Variants in PCDH15 observed in about 807,000 individuals in gnomAD.
The protein encoded by PCDH15 is protocadherin related 15.
A neutral mutation model predicts 178.5 loss-of-function variants in PCDH15; 129 were observed. The ratio of observed to expected loss-of-function variants is 0.72; its 90% CI spans 0.63 to 0.84. The LOEUF (loss-of-function observed/expected upper bound fraction) is 0.84, where lower values mean the gene tolerates loss of function less well. PCDH15 is among the 40% of genes least tolerant of loss of function. The pLI, the probability that PCDH15 is intolerant of heterozygous loss-of-function variation, is 0.00. For missense variants in PCDH15, 2,230 were observed against 2,099.9 expected, an observed-to-expected ratio of 1.06 and a Z score of -1.21; for synonymous variants, 800 against 732.0, an observed-to-expected ratio of 1.09 and a Z score of -1.50.
At chr10:54,466,497 T>C (rs1265220538) in intron 3 of PCDH15, among the ~76,000 whole-genome samples, 2 of 151,894 alleles carry the variant, frequency 1.3e-5, no homozygotes, top group Admixed American at 6.6e-5. Flanking sequence ...AATACACAGA[T>C]TTATTTTTGG....
chr10:55,478,535 A>G (rs1387456482), intron 2 of PCDH15, among the ~76,000 whole-genome samples: 1 of 151,670 alleles, frequency 6.6e-6, no homozygotes, highest in Non-Finnish European at 1.5e-5. Context: ...ATAAACATCT[A>G]CATGAAAGAA....
chr10:55,364,255 A>G (rs1845299274), intron 2 of PCDH15, among the ~76,000 whole-genome samples: 1 of 152,116 alleles, frequency 6.6e-6, no homozygotes, highest in Non-Finnish European at 1.5e-5. Context: ...TCTTTCCTTT[A>G]TAAATTACCC....
chr10:54,880,239 A>G (rs973312241), intron 3 of PCDH15, among the ~76,000 whole-genome samples: 6 of 152,184 alleles, frequency 3.9e-5, no homozygotes, highest in African/African-American at 1.2e-4. Context: ...CTTGCTAATC[A>G]AAACTCCTAT....
intron 2 of PCDH15, among the ~76,000 whole-genome samples, chr10:55,101,365 G>C (rs1842571942): frequency 6.6e-6 from 1 of 151,606 alleles, no homozygotes; most frequent in Non-Finnish European, 1.5e-5. Context: ...CTCCAGCCTG[G>C]GTGACAGAGC....
At chr10:54,155,228 A>G (rs1280177420) in intron 13 of PCDH15, among the ~76,000 whole-genome samples, 1 of 152,268 alleles carries the variant, frequency 6.6e-6, no homozygotes, top group East Asian at 1.9e-4. Flanking sequence ...ATTTTCATAA[A>G]TGATGTTGGA....
At chr10:54,790,711 AT>A (rs1564448640) in intron 1 of PCDH15, among the ~76,000 whole-genome samples, 2 of 151,900 alleles carry the variant, frequency 1.3e-5, no homozygotes, top group Non-Finnish European at 2.9e-5. Context: ...GAAGATATAT[AT>A]GTTTCCATTG....
chr10:54,416,265 T>G (rs1452887644), intron 3 of PCDH15, among the ~76,000 whole-genome samples: 1 of 152,112 alleles, frequency 6.6e-6, no homozygotes, highest in African/African-American at 2.4e-5. Context: ...TCCTTTAAGT[T>G]GCCTCTCCTA....
At chr10:54,784,334 TAATA>T (rs1320143789) in intron 1 of PCDH15, among the ~76,000 whole-genome samples, 2 of 11,622 alleles carry the variant, frequency 1.7e-4, no homozygotes, top group Admixed American at 9.9e-4. Flanking sequence ...AGAATAATAA[TAATA>T]AAAAAAAAAA....
At chr10:54,562,553 C>A (rs537632364) in intron 2 of PCDH15, among the ~76,000 whole-genome samples, 1 of 152,164 alleles carries the variant, frequency 6.6e-6, no homozygotes, top group South Asian at 2.1e-4. Flanking sequence ...ATGAAATTAA[C>A]TAGGAAAGTG....
chr10:54,282,762 T>C lies in PCDH15; in HGVS notation c.876+34509A>G, dbSNP rs148196296. ...AGAATGATTTTGAAAGTCTGGATGA[T>C]TTTTGACCAAATATAGACCCAAATA... is the stretch of plus-strand genomic sequence containing the variant. On this transcript the variant is annotated intron_variant, in intron 8 of 37. Coordinates refer to ENST00000644397, the MANE Select transcript of PCDH15 (RefSeq NM_001384140.1). Among the ~76,000 whole-genome samples the C allele has an allele frequency of 1.1e-3, 174 of 152,184 alleles. 1 individual carries two copies. The highest frequency in any genetic ancestry group is 4.0e-3 in the African/African-American group (165 of 41,526).
intron 1 of PCDH15, among the ~76,000 whole-genome samples, chr10:54,794,352 A>G (rs192402252): frequency 6.6e-6 from 1 of 151,722 alleles, no homozygotes; most frequent in Non-Finnish European, 1.5e-5. Context: ...TCAGCTGAAT[A>G]TTGTTCTATC....
At chr10:55,472,309 T>A (rs1343278079) in intron 2 of PCDH15, among the ~76,000 whole-genome samples, 1 of 152,202 alleles carries the variant, frequency 6.6e-6, no homozygotes, top group Non-Finnish European at 1.5e-5. Context: ...AATTATGCTT[T>A]CAACTTAATC....
At chr10:54,208,181 T>G (rs1018649283) in intron 10 of PCDH15, among the ~76,000 whole-genome samples, 1 of 152,116 alleles carries the variant, frequency 6.6e-6, no homozygotes, top group African/African-American at 2.4e-5. Context: ...ATGGAAAGAT[T>G]GCTATTTCAT....
At chr10:54,577,550 T>C (rs1467474189) in intron 2 of PCDH15, among the ~76,000 whole-genome samples, 3 of 151,918 alleles carry the variant, frequency 2.0e-5, no homozygotes, top group Admixed American at 6.6e-5. Flanking sequence ...AAAAAATAAG[T>C]CAAGATTAAT....
chr10:54,041,767 A>G, intron 18 of PCDH15, among the ~76,000 whole-genome samples: 1 of 152,124 alleles, frequency 6.6e-6, no homozygotes, highest in East Asian at 1.9e-4. Context: ...ATGACATTCA[A>G]CAGCATCCAG....
chr10:54,966,115 C>T (rs560575910), intron 2 of PCDH15, among the ~76,000 whole-genome samples: 2 of 151,994 alleles, frequency 1.3e-5, no homozygotes, highest in South Asian at 4.2e-4. Context: ...CAACAGCATT[C>T]AAGTAACTAC....
intron 2 of PCDH15, among the ~76,000 whole-genome samples, chr10:54,557,845 G>A (rs1042276969): frequency 2.6e-5 from 4 of 151,948 alleles, no homozygotes; most frequent in African/African-American, 9.7e-5. Context: ...AAAACTTTTT[G>A]GTTTGGTCAT....
chr10:55,474,244 T>C (rs1307159535), intron 2 of PCDH15, among the ~76,000 whole-genome samples: 1 of 152,160 alleles, frequency 6.6e-6, no homozygotes, highest in Non-Finnish European at 1.5e-5. Flanking sequence ...AAATAGCTGG[T>C]ATTTCAGGAG....
At chr10:53,942,171 G>A (rs1299146579) in intron 23 of PCDH15, among the ~76,000 whole-genome samples, 2 of 152,122 alleles carry the variant, frequency 1.3e-5, no homozygotes, top group South Asian at 4.1e-4. Flanking sequence ...TTCATTGCAT[G>A]AGCAATAACT....
Sources: gnomAD v4.1 joint callset for allele counts (sites outside exome capture counted in the v4.1 genomes callset) on GRCh38, gnomAD v4.1.1 for gene constraint, MANE v1.5 for transcripts, NCBI Gene and HGNC (gene_info 2026-07-23, HGNC 2026-07-21) for gene names.